The following ALOX15B variants were observed in gnomAD, a reference collection of about 807,000 sequenced individuals.
ALOX15B encodes polyunsaturated fatty acid lipoxygenase ALOX15B.
A neutral mutation model predicts 73.8 loss-of-function variants in ALOX15B; 74 were observed. The observed-to-expected ratio is 1.00, with a 90% confidence interval of 0.83 to 1.22. The LOEUF is 1.22. ALOX15B is among the 50% of genes most tolerant of loss of function. The pLI is 0.00. For synonymous variants in ALOX15B, 353 were observed against 357.2 expected (o/e 0.99, Z 0.13); for missense variants, 896 against 859.9 (o/e 1.04, Z -0.52).
chr17:8,046,618 G>T (rs756128365), intron 8 of ALOX15B, 50 bp from the exon 9 acceptor site: 3 of 1,573,432 alleles, frequency 1.9e-6, no homozygotes, highest in Admixed American at 1.8e-5. Flanking sequence ...AAGGTCTGGG[G>T]CCAGAACAAC....
At position 8,045,696 on chromosome 17, in the gene ALOX15B, T is replaced by C. The variant is rs1567972370; in HGVS notation, c.1200+10T>C. ...CCACCCTCTCTTCAAGGTCAGTGGC[T>C]TGACAAGGTGGCCCAGCCTGTGCCC... On this transcript the variant is annotated intron_variant, in intron 8 of 13. Coordinates refer to ENST00000380183, the MANE Select transcript of ALOX15B (RefSeq NM_001141.3). 1 of 1,612,726 alleles carries C rather than the reference T, an allele frequency of 6.2e-7. No individual in the cohort carries two copies. Among genetic ancestry groups the C allele is most frequent in the African/African-American group, 1.3e-5 (1 of 75,010 alleles).
Position 8,046,940 on chromosome 17 carries a change from T to C in ALOX15B, c.1321T>C (p.Leu441=). The change falls in exon 10 of 14, where the codon TTG becomes CTG. Residue 441 remains leucine (L), a synonymous_variant. Coordinates refer to ENST00000380183, the MANE Select transcript of ALOX15B (RefSeq NM_001141.3). ...TGIGIEGFSE[L]IQRNMKQLNY... is the part of the protein sequence containing the mutation. Reference sequence around the variant, plus strand: ...CATCGGCATTGAAGGCTTCTCTGAGTTGATACAGAGGAACATGAAGCAGCT... The same window carrying C: ...CATCGGCATTGAAGGCTTCTCTGAGCTGATACAGAGGAACATGAAGCAGCT... 1.2e-6 allele frequency: 2 copies of C among 1,614,150 alleles called. No homozygotes were observed. The highest frequency in any genetic ancestry group is 1.7e-6 in the Non-Finnish European group (2 of 1,180,018).
At position 8,045,321 on chromosome 17, in the gene ALOX15B, G is replaced by A. The variant is rs750538444; in HGVS notation, c.933G>A (p.Ala311=). ...NVINGKPQFS[A]APMTLLYQSP... is the part of the protein sequence containing the mutation. Reference sequence around the variant, plus strand: ...TTAATGGGAAGCCTCAGTTCTCTGCGGCCCCAATGACCCTGCTATACCAGA... The same window carrying A: ...TTAATGGGAAGCCTCAGTTCTCTGCAGCCCCAATGACCCTGCTATACCAGA... The change falls in exon 7 of 14, where the codon GCG becomes GCA. Residue 311 remains alanine, a synonymous_variant. Coordinates refer to ENST00000380183, the MANE Select transcript of ALOX15B (RefSeq NM_001141.3). 18 of 1,614,144 alleles carry A rather than the reference G, an allele frequency of 1.1e-5. 1 individual carries two copies. Among genetic ancestry groups the A allele is most frequent in the Middle Eastern group, 3.3e-4 (2 of 6,062 alleles).
Position 8,045,324 on chromosome 17 carries a change from C to T in ALOX15B, c.936C>T (p.Ala312=). 6.2e-7 allele frequency: 1 copy of T among 1,614,170 alleles called. No homozygotes were observed. The highest frequency in any genetic ancestry group is 8.5e-7 in the Non-Finnish European group (1 of 1,180,020). The change falls in exon 7 of 14, where the codon GCC becomes GCT. Residue 312 remains alanine, a synonymous_variant. Transcript: ENST00000380183. The part of the protein sequence containing the change: ...VINGKPQFSA[A]PMTLLYQSPG... ...ATGGGAAGCCTCAGTTCTCTGCGGC[C>T]CCAATGACCCTGCTATACCAGAGCC...
At chr17:8,039,798 G>A in intron 2 of ALOX15B, 104 bp from the exon 3 acceptor site, 1 of 1,291,596 alleles carries the variant, frequency 7.7e-7, no homozygotes, top group Admixed American at 2.0e-5. Flanking sequence ...GTACTTATGG[G>A]AGGAGGGGAC....
chr17:8,041,193 C>G (rs1976455412), intron 3 of ALOX15B, among the ~76,000 whole-genome samples: 1 of 152,202 alleles, frequency 6.6e-6, no homozygotes, highest in South Asian at 2.1e-4. Flanking sequence ...CAGAGTCAGC[C>G]TAGGCCCTGC....
chr17:8,045,593 G>A lies in ALOX15B; in HGVS notation c.1107G>A (p.Glu369=). The A allele has an allele frequency of 2.5e-6, 4 of 1,614,112 alleles. No homozygotes were observed. Among genetic ancestry groups the A allele is most frequent in the Non-Finnish European group, 3.4e-6 (4 of 1,180,032 alleles). The change falls in exon 8 of 14, where the codon GAG becomes GAA. Residue 369 remains glutamate (E), a synonymous_variant. Transcript: ENST00000380183. ...GCAATGCCGAGTTCTCCTTCCATGA[G>A]GCCCTCACGCACCTGCTGCACTCAC... ...WVRNAEFSFH[E]ALTHLLHSHL...
At chr17:8,040,595 AAG>A (rs763288243) in intron 3 of ALOX15B, among the ~76,000 whole-genome samples, 1 of 91,144 alleles carries the variant, frequency 1.1e-5, no homozygotes, top group Non-Finnish European at 2.2e-5. Flanking sequence ...GAGAGAAAGA[AAG>A]AGAGAGAAAG....
At chr17:8,040,543 A>C (rs924874521) in intron 3 of ALOX15B, among the ~76,000 whole-genome samples, 2 of 132,286 alleles carry the variant, frequency 1.5e-5, no homozygotes, top group Non-Finnish European at 3.4e-5. Flanking sequence ...ACTCCATCTC[A>C]AAAAAAGAAA....
chr17:8,039,994 G>C lies in ALOX15B; in HGVS notation c.449+11G>C. On this transcript the variant is annotated intron_variant, in intron 3 of 13. Coordinates refer to ENST00000380183, the MANE Select transcript of ALOX15B (RefSeq NM_001141.3). ...GCAGGAGATGTACCAGTGAGGAGGG[G>C]GTTACTGATGGGGGAGGGTGTGCCC... The C allele has an allele frequency of 6.2e-7, 1 of 1,612,424 alleles. No homozygotes were observed. Among genetic ancestry groups the C allele is most frequent in the Non-Finnish European group, 8.5e-7 (1 of 1,179,048 alleles).
chr17:8,046,752 A>G lies in ALOX15B; in HGVS notation c.1285A>G (p.Arg429Gly), dbSNP rs1370757025. The change falls in exon 9 of 14, where the codon AGG becomes GGG. Residue 429 changes from arginine (R) to glycine (G), a missense_variant and splice_region_variant. Arg to Gly is a moderately radical substitution (Grantham distance 125). Coordinates refer to ENST00000380183, the MANE Select transcript of ALOX15B (RefSeq NM_001141.3). ...LLIVPGQVVD[R>G]STGIGIEGFS... ...TATCGTGCCAGGGCAGGTGGTGGAC[A>G]GGGTGAGAGCTGTGTTGGGGAGGGA... 2 of 1,613,628 alleles carry G rather than the reference A, an allele frequency of 1.2e-6. No individual in the cohort carries two copies. Among genetic ancestry groups the G allele is most frequent in the East Asian group, 4.5e-5 (2 of 44,880 alleles).
chr17:8,044,105 G>GAGGAAGGA (rs556498649), intron 5 of ALOX15B, among the ~76,000 whole-genome samples: 10,507 of 62,230 alleles, frequency 0.17, 1,434 homozygotes, highest in South Asian at 0.26. Flanking sequence ...GAGAGAGAGA[G>GAGGAAGGA]AGGAAGGAAG....
rs997587891 is a variant in ALOX15B at position 8,042,681 on chromosome 17, C to T, written c.573-100C>T. The stretch of plus-strand genomic sequence containing the variant: ...TTAGGGGTAGTGACTACCTTGGGCC[C>T]GGAGGCTGGTTCAGGATCCCAAGAG... On this transcript the variant is annotated intron_variant, in intron 4 of 13. Transcript: ENST00000380183. The T allele has an allele frequency of 1.9e-4, 261 of 1,355,480 alleles. 1 individual carries two copies. The East Asian group carries it at 3.9e-3, about 20-fold the overall frequency. 84.0% of individuals were successfully genotyped at this position (1,355,480 alleles called of 1,614,324 possible).
intron 5 of ALOX15B, among the ~76,000 whole-genome samples, chr17:8,043,575 C>G (rs545868181): frequency 5.7e-4 from 87 of 152,306 alleles, no homozygotes; most frequent in African/African-American, 1.9e-3. Flanking sequence ...TGGTTGCCAG[C>G]AGGGGAATAA....
rs767207531 is a variant in ALOX15B at position 8,045,383 on chromosome 17, A to T, written c.995A>T (p.Gln332Leu). The change falls in exon 7 of 14, where the codon CAG becomes CTG. Residue 332 changes from glutamine (Q) to leucine (L), a missense_variant and splice_region_variant. Gln to Leu is a moderately radical substitution (Grantham distance 113). Transcript: ENST00000380183. ...GCGPLLPLAI[Q>L]LSQTPGPNSP... Reference sequence around the variant, plus strand: ...GGGCCGCTGCTGCCTCTCGCCATCCAGGTATGCAGTCAGGCAGGGGCAGGG... The same window carrying T: ...GGGCCGCTGCTGCCTCTCGCCATCCTGGTATGCAGTCAGGCAGGGGCAGGG... 6.2e-7 allele frequency: 1 copy of T among 1,614,002 alleles called. No individual in the cohort carries two copies. Among genetic ancestry groups the T allele is most frequent in the Admixed American group, 1.7e-5 (1 of 60,014 alleles).
At chr17:8,040,233 A>C (rs1169183879) in intron 3 of ALOX15B, among the ~76,000 whole-genome samples, 1 of 152,150 alleles carries the variant, frequency 6.6e-6, no homozygotes, top group Non-Finnish European at 1.5e-5. Flanking sequence ...TCTGGTGGCC[A>C]CTGATGTTTG....
At chr17:8,047,685 G>A (rs745922518) in intron 12 of ALOX15B, 21 bp downstream of exon 12, 12 of 1,613,286 alleles carry the variant, frequency 7.4e-6, no homozygotes, top group African/African-American at 4.0e-5. Context: ...GCCAGCGCCC[G>A]AGGTGGCAGG....
intron 3 of ALOX15B, among the ~76,000 whole-genome samples, chr17:8,041,932 G>A (rs1251093308): frequency 6.6e-6 from 1 of 152,202 alleles, no homozygotes; most frequent in African/African-American, 2.4e-5. Context: ...ACTCCAACTA[G>A]CAGGCAGAAA....
chr17:8,045,149 C>G, intron 6 of ALOX15B, 89 bp from the exon 7 acceptor site: 1 of 1,600,958 alleles, frequency 6.2e-7, no homozygotes, highest in East Asian at 2.2e-5. Context: ...ACACACTCCT[C>G]TCCCAGCCCT....
Sources: gnomAD v4.1 joint callset for allele counts (sites outside exome capture counted in the v4.1 genomes callset) on GRCh38, gnomAD v4.1.1 for gene constraint, MANE v1.5 for transcripts, NCBI Gene and HGNC (gene_info 2026-07-23, HGNC 2026-07-21) for gene names.